WWOX: variants seen among roughly 807,000 people sequenced by gnomAD.
WWOX encodes WW domain containing oxidoreductase.
In WWOX, 69 loss-of-function variants were observed where a neutral mutation model predicts 46.2. The observed-to-expected ratio is 1.49, with a 90% CI of 1.23 to 1.82. WWOX has a LOEUF of 1.82. WWOX is among the 40% of genes most tolerant of loss of function. The pLI is 0.00. For synonymous variants in WWOX, 359 were observed against 202.6 expected, an observed-to-expected ratio of 1.77 and a Z score of -6.56; for missense variants, 919 against 542.6, an observed-to-expected ratio of 1.69 and a Z score of -6.89.
In WWOX at chr16:78,206,479, C is replaced by T. The variant is rs550973716; in HGVS notation, c.516+42190C>T. ...CATTTTGGTCTTTACCTTCAAAAGA[C>T]GGGAGAAAGACTGAGAGAAGTTTCT... On this transcript the variant is annotated intron_variant, in intron 5 of 8. Coordinates refer to ENST00000566780, the MANE Select transcript of WWOX (RefSeq NM_016373.4). Among the ~76,000 whole-genome samples the T allele has an allele frequency of 4.1e-4, 62 of 152,172 alleles. No individual in the cohort carries two copies. The South Asian group carries it at 6.2e-3, about 15-fold the overall frequency.
intron 4 of WWOX, among the ~76,000 whole-genome samples, chr16:78,159,068 G>A (rs936083292): frequency 1.3e-5 from 2 of 152,064 alleles, no homozygotes; most frequent in African/African-American, 4.8e-5. Context: ...TTAGCATAAT[G>A]TCCTTCAGGT....
chr16:78,923,246 A>C (rs1360051662), intron 8 of WWOX, among the ~76,000 whole-genome samples: 2 of 152,042 alleles, frequency 1.3e-5, no homozygotes, highest in Admixed American at 1.3e-4. Flanking sequence ...CTCCCAAAGC[A>C]CTGGGATTAC....
chr16:78,456,167 G>C (rs561779610), intron 8 of WWOX, among the ~76,000 whole-genome samples: 1 of 152,296 alleles, frequency 6.6e-6, no homozygotes, highest in South Asian at 2.1e-4. Context: ...GCCTCTGTTG[G>C]CCCCAGGTTG....
intron 8 of WWOX, among the ~76,000 whole-genome samples, chr16:78,575,516 C>T (rs2044855872): frequency 1.3e-5 from 2 of 152,026 alleles, no homozygotes; most frequent in Non-Finnish European, 2.9e-5. Context: ...CGTCTGATTT[C>T]ACCCCATCCT....
intron 8 of WWOX, among the ~76,000 whole-genome samples, chr16:78,831,678 G>C (rs1010608349): frequency 6.6e-6 from 1 of 152,150 alleles, no homozygotes; most frequent in African/African-American, 2.4e-5. Context: ...TATTTCCATT[G>C]AGAAGAAGAA....
intron 1 of WWOX, among the ~76,000 whole-genome samples, chr16:78,102,311 G>A (rs927033772): frequency 6.6e-6 from 1 of 152,158 alleles, no homozygotes; most frequent in African/African-American, 2.4e-5. Flanking sequence ...GCCTGTCCAG[G>A]GGCCTGTGAT....
At chr16:78,480,151 T>C (rs1272350426) in intron 8 of WWOX, among the ~76,000 whole-genome samples, 5 of 152,316 alleles carry the variant, frequency 3.3e-5, no homozygotes, top group African/African-American at 1.2e-4. Flanking sequence ...AAATGTAAAT[T>C]AATTAAAATT....
chr16:78,765,795 C>T lies in WWOX; in HGVS notation c.1056+333043C>T, dbSNP rs563655671. 2.7e-4 allele frequency among the ~76,000 whole-genome samples: 41 copies of T among 152,336 alleles called. No homozygotes were observed. In the Middle Eastern group the frequency reaches 0.01, roughly 38 times the overall value. On this transcript the variant is annotated intron_variant, in intron 8 of 8. Coordinates refer to ENST00000566780, the MANE Select transcript of WWOX (RefSeq NM_016373.4). ...CAGAGGCAAAAATCACAACCTCTGTCAGAGAACTCATCGCACTATTTCTGT... is the reference window on the plus strand; with the variant it reads ...CAGAGGCAAAAATCACAACCTCTGTTAGAGAACTCATCGCACTATTTCTGT...
At chr16:79,079,694 T>G (rs1376322534) in intron 8 of WWOX, among the ~76,000 whole-genome samples, 7 of 152,226 alleles carry the variant, frequency 4.6e-5, no homozygotes, top group Admixed American at 3.3e-4. Flanking sequence ...ATTTAATGAT[T>G]GTAATTGTGA....
intron 4 of WWOX, among the ~76,000 whole-genome samples, chr16:78,143,031 C>G (rs1200027993): frequency 6.6e-6 from 1 of 152,122 alleles, no homozygotes; most frequent in Non-Finnish European, 1.5e-5. Context: ...GTTTTACACA[C>G]AAAAGGAGAG....
At chr16:78,728,174 C>T (rs188783950) in intron 8 of WWOX, among the ~76,000 whole-genome samples, 369 of 148,314 alleles carry the variant, frequency 2.5e-3, no homozygotes, top group Non-Finnish European at 4.2e-3. Flanking sequence ...AAGTGATTCT[C>T]CTGCCTCAGC....
intron 5 of WWOX, among the ~76,000 whole-genome samples, chr16:78,315,662 A>G (rs1007973837): frequency 1.5e-4 from 23 of 152,300 alleles, no homozygotes; most frequent in African/African-American, 4.8e-4. Flanking sequence ...AAGAATAAAA[A>G]TGAATAAAAA....
chr16:78,276,836 C>T (rs1367640403), intron 5 of WWOX, among the ~76,000 whole-genome samples: 1 of 152,178 alleles, frequency 6.6e-6, no homozygotes, highest in Non-Finnish European at 1.5e-5. Context: ...GGCCATCTCT[C>T]CTTGTCCCCA....
In WWOX at chr16:78,181,193, CAGAG is replaced by C. The variant is rs750228179; in HGVS notation, c.516+16910_516+16913del. 5.5e-4 allele frequency among the ~76,000 whole-genome samples: 83 copies of C among 151,912 alleles called. 1 individual carries two copies. The highest frequency in any genetic ancestry group is 1.0e-3 in the Non-Finnish European group (70 of 67,978). ...GAGACACGGAGGAGGGACAGAAAGACAGAGAGAGACAGAAGGAGAGAGAGAGAGA... is the reference window on the plus strand; with the variant it reads ...GAGACACGGAGGAGGGACAGAAAGACAGAGACAGAAGGAGAGAGAGAGAGA... On this transcript the variant is annotated intron_variant, in intron 5 of 8. Coordinates refer to ENST00000566780, the MANE Select transcript of WWOX (RefSeq NM_016373.4).
chr16:79,054,686 G>A (rs751036362), intron 8 of WWOX, among the ~76,000 whole-genome samples: 15 of 152,048 alleles, frequency 9.9e-5, no homozygotes, highest in African/African-American at 2.7e-4. Context: ...TTAGCCAGGC[G>A]TGGTGTCGTG....
intron 8 of WWOX, among the ~76,000 whole-genome samples, chr16:78,623,039 C>G (rs940877617): frequency 1.2e-4 from 18 of 152,132 alleles, no homozygotes; most frequent in African/African-American, 4.1e-4. Flanking sequence ...GAAATGAGTT[C>G]TGCTAGCAAC....
chr16:78,717,546 C>T (rs756617482), intron 8 of WWOX, among the ~76,000 whole-genome samples: 1 of 152,160 alleles, frequency 6.6e-6, no homozygotes, highest in Non-Finnish European at 1.5e-5. Flanking sequence ...GTGATTTGCT[C>T]TCTTTGATGG....
chr16:78,971,055 G>T (rs1567448497), intron 8 of WWOX, among the ~76,000 whole-genome samples: 1 of 151,180 alleles, frequency 6.6e-6, no homozygotes, highest in Non-Finnish European at 1.5e-5. Context: ...TTCCCAGGGT[G>T]TATATATATA....
chr16:79,097,131 G>C (rs576996557), intron 8 of WWOX, among the ~76,000 whole-genome samples: 1 of 152,094 alleles, frequency 6.6e-6, no homozygotes, highest in Non-Finnish European at 1.5e-5. Flanking sequence ...TACTCGTTAT[G>C]GACAGGAATA....
Sources: allele counts gnomAD v4.1 joint callset (sites outside exome capture counted in the v4.1 genomes callset), GRCh38; gene constraint gnomAD v4.1.1; transcripts MANE v1.5; gene names NCBI Gene and HGNC (gene_info 2026-07-23, HGNC 2026-07-21).